The following MACROD2 variants were observed in gnomAD, a reference collection of about 807,000 sequenced individuals.
MACROD2 encodes ADP-ribose glycohydrolase MACROD2.
In MACROD2, 36 loss-of-function variants were observed where a neutral mutation model predicts 70.4. The observed-to-expected ratio is 0.51, with a 90% confidence interval of 0.39 to 0.68. The LOEUF (loss-of-function observed/expected upper bound fraction) is 0.68. Ranked by LOEUF, MACROD2 falls within the 30% of genes least tolerant of loss-of-function variation. The pLI is 0.00. For synonymous variants in MACROD2, 172 were observed against 178.8 expected, an observed-to-expected ratio of 0.96 and a Z score of 0.30; for missense variants, 496 against 538.4, an observed-to-expected ratio of 0.92 and a Z score of 0.78.
At chr20:15,535,254 G>A (rs2047858624) in intron 8 of MACROD2, among the ~76,000 whole-genome samples, 1 of 151,954 alleles carries the variant, frequency 6.6e-6, no homozygotes, top group East Asian at 1.9e-4. Flanking sequence ...GGGATTACAG[G>A]CATGAGCCAC....
intron 3 of MACROD2, among the ~76,000 whole-genome samples, chr20:14,469,715 A>G (rs543361813): frequency 3.8e-4 from 58 of 151,626 alleles, no homozygotes; most frequent in African/African-American, 1.1e-3. Context: ...TGCTTGATCA[A>G]TTCACCTATT....
At chr20:15,361,765 C>G (rs1301707997) in intron 6 of MACROD2, among the ~76,000 whole-genome samples, 1 of 151,614 alleles carries the variant, frequency 6.6e-6, no homozygotes, top group Non-Finnish European at 1.5e-5. Context: ...GCACAGAAGT[C>G]CTGTATATAT....
At chr20:14,119,590 G>A (rs956360634) in intron 3 of MACROD2, among the ~76,000 whole-genome samples, 2 of 152,128 alleles carry the variant, frequency 1.3e-5, no homozygotes, top group Admixed American at 1.3e-4. Context: ...TACTATTATG[G>A]ATACATTTGT....
At chr20:15,876,656 C>G (rs1002894561) in intron 9 of MACROD2, among the ~76,000 whole-genome samples, 1 of 152,062 alleles carries the variant, frequency 6.6e-6, no homozygotes, top group African/African-American at 2.4e-5. Flanking sequence ...ATCAAATGGT[C>G]TTTCTAGTTC....
intron 5 of MACROD2, among the ~76,000 whole-genome samples, chr20:15,228,614 C>T (rs1234627901): frequency 2.6e-5 from 4 of 151,336 alleles, no homozygotes; most frequent in Non-Finnish European, 5.9e-5. Context: ...CTCAGTCTCC[C>T]GAGTAGCTGG....
intron 5 of MACROD2, among the ~76,000 whole-genome samples, chr20:14,862,263 ATATTACTATGTATATTTATATATATT>A (rs2073349743): frequency 2.3e-5 from 1 of 43,858 alleles, no homozygotes; most frequent in African/African-American, 9.7e-5. Context: ...ATATATAAAT[ATATTACTATGTATATTTATATATATT>A]TATATAAATA....
intron 8 of MACROD2, among the ~76,000 whole-genome samples, chr20:15,839,408 G>A (rs182244506): frequency 9.9e-5 from 15 of 152,148 alleles, no homozygotes; most frequent in Admixed American, 4.6e-4. Context: ...GACTTCTGTC[G>A]GCTTACTGAA....
intron 8 of MACROD2, among the ~76,000 whole-genome samples, chr20:15,617,576 A>C (rs2049056535): frequency 6.6e-6 from 1 of 152,230 alleles, no homozygotes; most frequent in South Asian, 2.1e-4. Flanking sequence ...AAGTTTTCAG[A>C]TTGGGGGAAA....
chr20:15,216,988 A>G (rs766565829), intron 5 of MACROD2, among the ~76,000 whole-genome samples: 4 of 152,222 alleles, frequency 2.6e-5, no homozygotes, highest in Non-Finnish European at 5.9e-5. Flanking sequence ...CAAATTAAAA[A>G]CATTTGGAAA....
Position 15,431,560 on chromosome 20 carries a change from C to T in MACROD2, c.571+125C>T, listed in dbSNP as rs544346969. ...TGCTGTGATTTAGAGACTAAAAATG[C>T]TCGTCAAATCCCATTAAAGAATGTC... On this transcript the variant is annotated intron_variant, in intron 7 of 17. Coordinates refer to ENST00000684519, the MANE Select transcript of MACROD2 (RefSeq NM_001351661.2). 4.8e-6 allele frequency: 4 copies of T among 831,614 alleles called. No individual in the cohort carries two copies. The East Asian group carries it at 1.0e-4, about 21-fold the overall frequency. The allele number at this position is 831,614 out of a possible 1,614,324, so 51.5% of individuals were successfully genotyped here.
intron 5 of MACROD2, among the ~76,000 whole-genome samples, chr20:15,082,325 A>G (rs1314937311): frequency 1.3e-5 from 2 of 152,148 alleles, no homozygotes; most frequent in African/African-American, 2.4e-5. Flanking sequence ...AAACTTTTAT[A>G]TGGTCAGATT....
At chr20:14,526,618 A>G (rs1182473982) in intron 4 of MACROD2, among the ~76,000 whole-genome samples, 2 of 152,242 alleles carry the variant, frequency 1.3e-5, no homozygotes, top group African/African-American at 2.4e-5. Flanking sequence ...ACGGACGTCT[A>G]TAATATTCCT....
chr20:15,330,682 G>T (rs1207647904), intron 6 of MACROD2, among the ~76,000 whole-genome samples: 1 of 151,672 alleles, frequency 6.6e-6, no homozygotes, highest in African/African-American at 2.4e-5. Flanking sequence ...GTTTGGGGTG[G>T]GGTAGTCAAT....
chr20:15,577,693 C>T (rs1188704280), intron 8 of MACROD2, among the ~76,000 whole-genome samples: 1 of 152,098 alleles, frequency 6.6e-6, no homozygotes, highest in Non-Finnish European at 1.5e-5. Context: ...AGATTTCCTG[C>T]CATAGATAAA....
intron 8 of MACROD2, among the ~76,000 whole-genome samples, chr20:15,640,532 T>A (rs2049444076): frequency 6.6e-6 from 1 of 152,206 alleles, no homozygotes; most frequent in Non-Finnish European, 1.5e-5. Context: ...CTGCTGTGGT[T>A]CTATCTGCCG....
At position 15,699,406 on chromosome 20, in the gene MACROD2, A is replaced by G. The variant is rs560845146; in HGVS notation, c.646-163339A>G. ...CGGGCTGGTACTGGGTGTTGTCTGC[A>G]CAGAGTCCTGTGATGTGAACTGTCT... On this transcript the variant is annotated intron_variant, in intron 8 of 17. Coordinates refer to ENST00000684519, the MANE Select transcript of MACROD2 (RefSeq NM_001351661.2). Among the ~76,000 whole-genome samples, 3 of 152,314 alleles carry G rather than the reference A, an allele frequency of 2.0e-5. No homozygotes were observed. In the South Asian group the frequency reaches 6.2e-4, roughly 32 times the overall value.
At chr20:14,947,028 C>T (rs1370953360) in intron 5 of MACROD2, among the ~76,000 whole-genome samples, 1 of 152,104 alleles carries the variant, frequency 6.6e-6, no homozygotes, top group African/African-American at 2.4e-5. Context: ...TGATCCCTTC[C>T]AGATGGCCGG....
chr20:14,800,620 C>T (rs570253585), intron 5 of MACROD2, among the ~76,000 whole-genome samples: 8 of 152,184 alleles, frequency 5.3e-5, no homozygotes, highest in Non-Finnish European at 1.0e-4. Flanking sequence ...TCCGGAAATT[C>T]CACCAATTAG....
intron 10 of MACROD2, among the ~76,000 whole-genome samples, chr20:15,920,375 G>A (rs373546720): frequency 2.0e-4 from 30 of 152,202 alleles, no homozygotes; most frequent in African/African-American, 6.7e-4. Flanking sequence ...ACAAGATCAC[G>A]AAAGGAAAAA....
Sources: allele counts gnomAD v4.1 joint callset (sites outside exome capture counted in the v4.1 genomes callset), GRCh38; gene constraint gnomAD v4.1.1; transcripts MANE v1.5; gene names NCBI Gene and HGNC (gene_info 2026-07-23, HGNC 2026-07-21).